IL1RAPL2: variants seen among roughly 807,000 people sequenced by gnomAD.
The protein encoded by IL1RAPL2 is interleukin 1 receptor accessory protein like 2, also known as X-linked interleukin-1 receptor accessory protein-like 2.
IL1RAPL2 carries 3 observed loss-of-function variants against 44.1 expected under a neutral mutation model. The ratio of observed to expected loss-of-function variants is 0.07; its 90% confidence interval spans 0.03 to 0.18. The LOEUF is 0.18. Ranked by LOEUF, IL1RAPL2 falls within the 10% of genes least tolerant of loss-of-function variation. The probability of loss-of-function intolerance (pLI) is 1.00; values close to 1 mark genes in which losing one functional copy is unlikely to be tolerated. For synonymous variants in IL1RAPL2, 181 were observed against 178.8 expected (o/e 1.01, Z -0.10); for missense variants, 391 against 496.4 (o/e 0.79, Z 2.02).
At chrX:105,681,137 GGA>G (rs2037921860) in intron 6 of IL1RAPL2, among the ~76,000 whole-genome samples, 2 of 111,539 alleles carry the variant, frequency 1.8e-5, no homozygotes, top group African/African-American at 6.5e-5. Context: ...AGGGGAACAG[GGA>G]GAGAGTTACC....
chrX:104,807,203 A>G (rs902355980), intron 2 of IL1RAPL2, among the ~76,000 whole-genome samples: 5 of 111,016 alleles, frequency 4.5e-5, no homozygotes, highest in Admixed American at 9.6e-5. Context: ...CATTTTTACT[A>G]TATTTTATTT....
chrX:104,865,858 A>G (rs755997187), intron 2 of IL1RAPL2, among the ~76,000 whole-genome samples: 11 of 112,238 alleles, frequency 9.8e-5, no homozygotes, highest in Non-Finnish European at 1.9e-4. Flanking sequence ...AGGTTTTGGG[A>G]CTCAGACTGG....
intron 5 of IL1RAPL2, among the ~76,000 whole-genome samples, chrX:105,356,158 G>A (rs2035200899): frequency 1.0e-5 from 1 of 99,705 alleles, no homozygotes. Context: ...GTATGTGTGT[G>A]TGTATGTGTG....
chrX:105,301,378 C>A (rs7880990), intron 5 of IL1RAPL2, among the ~76,000 whole-genome samples: 6,821 of 111,308 alleles, frequency 0.061, 507 homozygotes, highest in African/African-American at 0.21. Flanking sequence ...GTATCCATCC[C>A]TTCAAGCATT....
intron 2 of IL1RAPL2, among the ~76,000 whole-genome samples, chrX:104,827,918 G>A (rs1235383516): frequency 2.7e-5 from 3 of 111,168 alleles, no homozygotes; most frequent in African/African-American, 9.8e-5. Flanking sequence ...GATCAGTTTG[G>A]CTATTGATAC....
chrX:104,936,653 CGCTCAGTT>C (rs953954091), intron 2 of IL1RAPL2, among the ~76,000 whole-genome samples: 1 of 95,860 alleles, frequency 1.0e-5, no homozygotes, highest in Non-Finnish European at 2.0e-5. Context: ...GATGGAGTCT[CGCTCAGTT>C]GCCCAGGCTA....
chrX:105,321,401 T>C (rs1245154552), intron 5 of IL1RAPL2, among the ~76,000 whole-genome samples: 2 of 112,047 alleles, frequency 1.8e-5, no homozygotes, highest in Admixed American at 1.9e-4. Context: ...CTTTGTATTA[T>C]ATTACCGTAA....
intron 2 of IL1RAPL2, among the ~76,000 whole-genome samples, chrX:105,186,357 C>T (rs2033587029): frequency 8.9e-6 from 1 of 111,936 alleles, no homozygotes; most frequent in African/African-American, 3.2e-5. Flanking sequence ...TGCCATTTGA[C>T]ACCTACTTAA....
At chrX:105,121,524 C>T (rs1288191949) in intron 2 of IL1RAPL2, among the ~76,000 whole-genome samples, 3 of 111,642 alleles carry the variant, frequency 2.7e-5, no homozygotes, top group African/African-American at 3.2e-5. Context: ...TACTGGGCTA[C>T]GAGTGTTTTT....
intron 6 of IL1RAPL2, among the ~76,000 whole-genome samples, chrX:105,614,249 T>C (rs946974027): frequency 8.9e-6 from 1 of 112,034 alleles, no homozygotes; most frequent in East Asian, 2.8e-4. Flanking sequence ...AAAATGTCTA[T>C]ACTACCCAAA....
intron 2 of IL1RAPL2, among the ~76,000 whole-genome samples, chrX:104,759,908 C>CT (rs769889663): frequency 1.8e-5 from 2 of 111,646 alleles, no homozygotes; most frequent in Middle Eastern, 4.6e-3. Context: ...ATCTTTCTAA[C>CT]TTTTTTTGTG....
At chrX:105,356,049 A>G (rs781577136) in intron 5 of IL1RAPL2, among the ~76,000 whole-genome samples, 5 of 111,379 alleles carry the variant, frequency 4.5e-5, no homozygotes, top group Admixed American at 9.6e-5. Context: ...AAGGTTAAAT[A>G]CGATTTTACA....
At chrX:105,218,888 CA>C in intron 3 of IL1RAPL2, 2 of 998,982 alleles carry the variant, frequency 2.0e-6, no homozygotes, top group Non-Finnish European at 1.4e-6. Flanking sequence ...CGGCCCCCGC[CA>C]CCACAAGCCT....
At chrX:105,147,666 A>G (rs751218120) in intron 2 of IL1RAPL2, among the ~76,000 whole-genome samples, 1 of 111,991 alleles carries the variant, frequency 8.9e-6, no homozygotes, top group Admixed American at 9.5e-5. Context: ...TCAAAACTTC[A>G]TTCCTTTTTA....
chrX:105,400,087 C>T (rs1019540489), intron 5 of IL1RAPL2, among the ~76,000 whole-genome samples: 4 of 111,579 alleles, frequency 3.6e-5, no homozygotes, highest in South Asian at 3.7e-4. Flanking sequence ...GGTGCTAAAT[C>T]GTGTATTACC....
At chrX:105,253,839 A>G (rs2034292512) in intron 4 of IL1RAPL2, among the ~76,000 whole-genome samples, 1 of 111,930 alleles carries the variant, frequency 8.9e-6, no homozygotes, top group Admixed American at 9.5e-5. Flanking sequence ...GCTAAGGACA[A>G]TAGCCTCCAG....
intron 2 of IL1RAPL2, among the ~76,000 whole-genome samples, chrX:104,859,585 G>A (rs1329596729): frequency 1.8e-5 from 2 of 111,831 alleles, no homozygotes; most frequent in Non-Finnish European, 3.8e-5. Context: ...CCCAATTAAT[G>A]GTAGGTGCTA....
chrX:105,233,598 G>A (rs1285261317), intron 3 of IL1RAPL2, among the ~76,000 whole-genome samples: 1 of 112,046 alleles, frequency 8.9e-6, no homozygotes, highest in East Asian at 2.8e-4. Flanking sequence ...TCTCTATGTA[G>A]CTCTGTGGCT....
rs35842489 is a variant in IL1RAPL2 at position 104,968,979 on chromosome X, C to CTGTGTGTGTGTGTGTG, written c.83-226466_83-226451dup. 2.4e-3 allele frequency among the ~76,000 whole-genome samples: 199 copies of CTGTGTGTGTGTGTGTG among 82,036 alleles called. 3 individuals are homozygous for CTGTGTGTGTGTGTGTG. The highest frequency in any genetic ancestry group is 8.3e-3 in the African/African-American group (182 of 21,891). 71.2% of individuals were successfully genotyped at this position (82,036 alleles called of 115,157 possible). A position where few individuals can be genotyped will look rare whatever the true frequency, so the allele number is the denominator to read the frequency against. On this transcript the variant is annotated intron_variant, in intron 2 of 10. Coordinates refer to ENST00000372582, the MANE Select transcript of IL1RAPL2 (RefSeq NM_017416.2). ...ACAGGGTTTTGTTTTTTGCCTTTTG[C>CTGTGTGTGTGTGTGTG]TGTGTGTGTGTGTGTGTGTGTGTGT...
Sources: allele counts gnomAD v4.1 joint callset (sites outside exome capture counted in the v4.1 genomes callset), GRCh38; gene constraint gnomAD v4.1.1; transcripts MANE v1.5; gene names NCBI Gene and HGNC (gene_info 2026-07-23, HGNC 2026-07-21).